GALNT7: variants seen among roughly 807,000 people sequenced by gnomAD.
The protein encoded by GALNT7 is polypeptide N-acetylgalactosaminyltransferase 7, also known as N-acetylgalactosaminyltransferase 7.
GALNT7 carries 60 observed loss-of-function variants against 82.1 expected under a neutral mutation model. That is an observed-to-expected ratio of 0.73 (90% CI 0.59 to 0.91). The LOEUF (loss-of-function observed/expected upper bound fraction) is 0.91. Among genes scored for constraint, GALNT7 ranks in the 40% least tolerant of loss-of-function variants. The pLI, the probability that GALNT7 is intolerant of heterozygous loss-of-function variation, is 0.00. For missense variants in GALNT7, 660 were observed against 804.2 expected (o/e 0.82, Z 2.17); for synonymous variants, 243 against 275.1 (o/e 0.88, Z 1.15).
chr4:173,221,435 G>A (rs1733641363), intron 1 of GALNT7, among the ~76,000 whole-genome samples: 1 of 152,220 alleles, frequency 6.6e-6, no homozygotes, highest in Non-Finnish European at 1.5e-5. Context: ...AATCAATGCT[G>A]AGCTGAATTT....
chr4:173,279,704 G>C (rs111663722), intron 2 of GALNT7, among the ~76,000 whole-genome samples: 36 of 152,272 alleles, frequency 2.4e-4, no homozygotes, highest in African/African-American at 7.9e-4. Context: ...CGGGCATGGT[G>C]GCTCACGACT....
intron 1 of GALNT7, among the ~76,000 whole-genome samples, chr4:173,217,534 C>T (rs1048357033): frequency 1.3e-5 from 2 of 152,124 alleles, no homozygotes; most frequent in Admixed American, 1.3e-4. Context: ...CATTTTAAAA[C>T]AATTTTCTAC....
rs553349755 is a variant in GALNT7, at chr4:173,178,903, T to C, written c.126+9942T>C. ...TCACATACTATCGGAAACCATTTTG[T>C]ATGAGAATAGAGTAGATGACCTAGT... On this transcript the variant is annotated intron_variant, in intron 1 of 11. Coordinates refer to ENST00000265000, the MANE Select transcript of GALNT7 (RefSeq NM_017423.3). Among the ~76,000 whole-genome samples, 3 of 152,358 alleles carry C rather than the reference T, an allele frequency of 2.0e-5. No individual in the cohort carries two copies. The East Asian group carries it at 5.8e-4, about 29-fold the overall frequency.
chr4:173,236,449 C>T lies in GALNT7; in HGVS notation c.127-11531C>T, dbSNP rs913947516. 5.3e-5 allele frequency among the ~76,000 whole-genome samples: 8 copies of T among 152,188 alleles called. No individual in the cohort carries two copies. The South Asian group carries it at 1.2e-3, about 24-fold the overall frequency. ...TCTCTCTGACAACATCTTGGCTTCT[C>T]TTCCCACTCATTTGCTCTATCCGAG... On this transcript the variant is annotated intron_variant, in intron 1 of 11. Transcript: ENST00000265000.
At chr4:173,172,596 G>C (rs1288195343) in intron 1 of GALNT7, among the ~76,000 whole-genome samples, 2 of 152,140 alleles carry the variant, frequency 1.3e-5, no homozygotes, top group Non-Finnish European at 2.9e-5. Flanking sequence ...TGACATTCCT[G>C]GTGGTGGGGG....
intron 1 of GALNT7, among the ~76,000 whole-genome samples, chr4:173,194,780 C>A (rs1732727569): frequency 1.3e-5 from 2 of 152,092 alleles, no homozygotes; most frequent in Admixed American, 1.3e-4. Context: ...CTAATGCTTT[C>A]CCTCCCCGCT....
rs1467343036 is a variant in GALNT7 at position 173,277,345 on chromosome 4, G to T, written c.588-14763G>T. On this transcript the variant is annotated intron_variant, in intron 2 of 11. Transcript: ENST00000265000. ...GTTGAGAACTAAAGTCACATGCTCT[G>T]TCTTTCTCAGAGTTCATGAATTCTC... Among the ~76,000 whole-genome samples, 4 of 152,302 alleles carry T rather than the reference G, an allele frequency of 2.6e-5. No individual in the cohort carries two copies. In the East Asian group the frequency reaches 7.7e-4, roughly 29 times the overall value.
chr4:173,253,076 C>T (rs1276675988), intron 2 of GALNT7, among the ~76,000 whole-genome samples: 13 of 151,976 alleles, frequency 8.6e-5, no homozygotes, highest in Admixed American at 8.5e-4. Flanking sequence ...TTGGCGCATC[C>T]CTCTGGTCTC....
rs1735199966 is a variant in GALNT7 at position 173,260,052 on chromosome 4, C to T, written c.587+11612C>T. Among the ~76,000 whole-genome samples the T allele has an allele frequency of 2.0e-5, 3 of 152,154 alleles. No individual in the cohort carries two copies. In the South Asian group the frequency reaches 6.2e-4, roughly 31 times the overall value. ...TTATTAACCTTCAAAGACAATTTTA[C>T]AGTATACTTATCAGGACTATTATAA... is the stretch of plus-strand genomic sequence containing the variant. On this transcript the variant is annotated intron_variant, in intron 2 of 11. Transcript: ENST00000265000.
chr4:173,259,031 A>G (rs561942080), intron 2 of GALNT7, among the ~76,000 whole-genome samples: 19 of 152,302 alleles, frequency 1.2e-4, no homozygotes, highest in African/African-American at 4.6e-4. Context: ...TCTACCCACT[A>G]GATGTCAGGA....
rs966643165 is a variant in GALNT7 at position 173,250,828 on chromosome 4, C to T, written c.587+2388C>T. ...ACATAGTCCAGCTGTGCTGGCCTGTCTCAGGTCTTCTGCATATGCTCTTCC... is the reference window on the plus strand; with the variant it reads ...ACATAGTCCAGCTGTGCTGGCCTGTTTCAGGTCTTCTGCATATGCTCTTCC... On this transcript the variant is annotated intron_variant, in intron 2 of 11. Transcript: ENST00000265000. Among the ~76,000 whole-genome samples the T allele has an allele frequency of 3.3e-5, 5 of 152,162 alleles. 1 individual carries two copies. In the South Asian group the frequency reaches 1.0e-3, roughly 32 times the overall value.
At chr4:173,181,387 A>C (rs1579883415) in intron 1 of GALNT7, among the ~76,000 whole-genome samples, 2 of 152,164 alleles carry the variant, frequency 1.3e-5, no homozygotes, top group Non-Finnish European at 2.9e-5. Context: ...AGTGAAAATA[A>C]ATTTGCTTAC....
At position 173,292,003 on chromosome 4, in the gene GALNT7, G is replaced by A. The variant is rs568471704; in HGVS notation, c.588-105G>A. On this transcript the variant is annotated intron_variant, in intron 2 of 11. Coordinates refer to ENST00000265000, the MANE Select transcript of GALNT7 (RefSeq NM_017423.3). The surrounding 1 kb of genome is among the most constrained non-coding windows in gnomAD (Gnocchi z 4.8). ...GAAGGCTATATTTCATTCACTTACC[G>A]TAGTTAAGTCGATAGTATGTAATCC... 5.3e-5 allele frequency: 35 copies of A among 664,968 alleles called. No individual in the cohort carries two copies. The highest frequency in any genetic ancestry group is 4.8e-4 in the Admixed American group (15 of 31,356). The allele number at this position is 664,968 out of a possible 1,614,324, so 41.2% of individuals were successfully genotyped here.
chr4:173,183,042 A>T (rs1353229057), intron 1 of GALNT7, among the ~76,000 whole-genome samples: 1 of 77,452 alleles, frequency 1.3e-5, no homozygotes, highest in Non-Finnish European at 2.4e-5. Flanking sequence ...CCACACACAT[A>T]AACACACACA....
At chr4:173,206,007 G>A (rs183938066) in intron 1 of GALNT7, among the ~76,000 whole-genome samples, 1 of 152,174 alleles carries the variant, frequency 6.6e-6, no homozygotes, top group Non-Finnish European at 1.5e-5. Context: ...TCAGTCCACA[G>A]ATAGTTACCA....
chr4:173,261,743 C>T (rs138385610), intron 2 of GALNT7, among the ~76,000 whole-genome samples: 2,352 of 152,162 alleles, frequency 0.015, 72 homozygotes, highest in African/African-American at 0.054. Flanking sequence ...TGCTTGAACC[C>T]GGAAGGTGGA....
chr4:173,297,213 CT>C (rs879456070), intron 5 of GALNT7, among the ~76,000 whole-genome samples: 157 of 137,226 alleles, frequency 1.1e-3, no homozygotes, highest in Non-Finnish European at 8.4e-4. Context: ...ATTTTTTTTG[CT>C]TTTTTTTTTT....
intron 5 of GALNT7, among the ~76,000 whole-genome samples, chr4:173,296,647 A>C (rs73003345): frequency 0.026 from 3,904 of 152,300 alleles, 161 homozygotes; most frequent in African/African-American, 0.084. Flanking sequence ...TTTTCCCCAA[A>C]TCAGAGAGCT....
At chr4:173,310,742 G>T (rs934091451) in intron 8 of GALNT7, among the ~76,000 whole-genome samples, 1 of 151,938 alleles carries the variant, frequency 6.6e-6, no homozygotes, top group Non-Finnish European at 1.5e-5. Flanking sequence ...TGTTGTTGTT[G>T]TTGTTGTTTT....
Sources: gnomAD v4.1 joint callset for allele counts (sites outside exome capture counted in the v4.1 genomes callset) on GRCh38, gnomAD v4.1.1 for gene constraint, Gnocchi (gnomAD v3.1) non-coding constraint, MANE v1.5 for transcripts, NCBI Gene and HGNC (gene_info 2026-07-23, HGNC 2026-07-21) for gene names.